Variants in MACF1 observed in about 807,000 individuals in gnomAD.
The protein encoded by MACF1 is microtubule actin crosslinking factor 1, also known as microtubule-actin cross-linking factor 1.
In MACF1, 193 loss-of-function variants were observed where a neutral mutation model predicts 854.8. The observed-to-expected ratio is 0.23, with a 90% CI of 0.20 to 0.25. The LOEUF (loss-of-function observed/expected upper bound fraction) is 0.25. MACF1 is among the 10% of genes least tolerant of loss of function. The probability of loss-of-function intolerance (pLI) is 1.00; values close to 1 mark genes in which losing one functional copy is unlikely to be tolerated. For synonymous variants in MACF1, 3,185 were observed against 3,226.7 expected (o/e 0.99, Z 0.44); for missense variants, 7,722 against 8,929.1 (o/e 0.86, Z 5.45).
intron 23 of MACF1, 147 bp from the exon 24 acceptor site, chr1:39,309,421 TCC>T: frequency 4.6e-6 from 4 of 877,664 alleles, no homozygotes; most frequent in Non-Finnish European, 6.9e-6. Flanking sequence ...TTCTAAAAAT[TCC>T]TGAGATGCTA....
intron 2 of MACF1, among the ~76,000 whole-genome samples, chr1:39,195,497 C>T (rs996152547): frequency 1.3e-5 from 2 of 152,218 alleles, no homozygotes; most frequent in Admixed American, 6.5e-5. Context: ...ACAATATGTG[C>T]TCAGCTGTAT....
chr1:39,433,662 T>A (rs1274858386), intron 68 of MACF1, among the ~76,000 whole-genome samples: 1 of 152,210 alleles, frequency 6.6e-6, no homozygotes, highest in East Asian at 1.9e-4. Context: ...TCCTAAACAT[T>A]TGAAGCATAA....
chr1:39,294,688 A>G (rs568716318), intron 18 of MACF1, among the ~76,000 whole-genome samples: 47 of 152,332 alleles, frequency 3.1e-4, no homozygotes, highest in Admixed American at 5.2e-4. Context: ...GTCTAAGCAA[A>G]GCCAACCAGT....
chr1:39,095,142 T>G (rs1323702123), intron 2 of MACF1, among the ~76,000 whole-genome samples: 1 of 152,130 alleles, frequency 6.6e-6, no homozygotes, highest in African/African-American at 2.4e-5. Flanking sequence ...TGTCTAACAC[T>G]AACAGTGTGG....
intron 68 of MACF1, 64 bp downstream of exon 68, chr1:39,433,219 A>G: frequency 3.0e-6 from 3 of 1,003,298 alleles, no homozygotes; most frequent in African/African-American, 1.6e-5. Flanking sequence ...TAGAAGCACA[A>G]TTGTGAAATG....
chr1:39,379,755 G>A (rs1650020265), intron 54 of MACF1, among the ~76,000 whole-genome samples: 1 of 152,196 alleles, frequency 6.6e-6, no homozygotes, highest in Admixed American at 6.5e-5. Flanking sequence ...CTGTAAGCAA[G>A]ACAAACCATT....
chr1:39,134,714 A>G (rs1242694213), intron 2 of MACF1, among the ~76,000 whole-genome samples: 1 of 152,224 alleles, frequency 6.6e-6, no homozygotes, highest in Non-Finnish European at 1.5e-5. Flanking sequence ...GGCACATAGT[A>G]TGTAATTGTA....
At chr1:39,276,073 C>G (rs1274275136) in intron 6 of MACF1, among the ~76,000 whole-genome samples, 1 of 152,104 alleles carries the variant, frequency 6.6e-6, no homozygotes, top group African/African-American at 2.4e-5. Flanking sequence ...GGGAGTACCA[C>G]CACACCCAGC....
rs539599956 is a variant in MACF1, at chr1:39,313,894, G to A, written c.3271-1619G>A. 7.1e-4 allele frequency among the ~76,000 whole-genome samples: 108 copies of A among 152,178 alleles called. 1 individual carries two copies. The highest frequency in any genetic ancestry group is 3.4e-3 in the Middle Eastern group (1 of 294). ...CCTCCCAAAAGTGCTGGGATTACAG[G>A]CATGGGTCATGATGCCCATTGAAGT... On this transcript the variant is annotated intron_variant, in intron 26 of 100. Transcript: ENST00000564288.
At chr1:39,344,272 A>AT (rs1557600050) in intron 40 of MACF1, among the ~76,000 whole-genome samples, 4 of 151,748 alleles carry the variant, frequency 2.6e-5, no homozygotes, top group Middle Eastern at 3.2e-3. Flanking sequence ...TACTAAAAAA[A>AT]ATATATAAAA....
intron 2 of MACF1, among the ~76,000 whole-genome samples, chr1:39,087,403 T>C (rs1297460794): frequency 6.6e-6 from 1 of 152,234 alleles, no homozygotes; most frequent in Non-Finnish European, 1.5e-5. Context: ...GTCACACATG[T>C]CAGAGTAGAG....
chr1:39,387,284 C>T lies in MACF1; in HGVS notation c.14442C>T (p.Ser4814=), dbSNP rs1332906516. 3 of 1,614,062 alleles carry T rather than the reference C, an allele frequency of 1.9e-6. No individual in the cohort carries two copies. The highest frequency in any genetic ancestry group is 2.5e-6 in the Non-Finnish European group (3 of 1,180,044). The change falls in exon 58 of 101, where the codon AGC becomes AGT. Residue 4814 remains serine, a synonymous_variant. Transcript: ENST00000564288. ...ELRTWLDDKQ[S]QQAKNCPISA... The stretch of plus-strand genomic sequence containing the variant: ...GGACCTGGTTGGATGATAAACAAAG[C>T]CAGCAAGCAAAAAACTGCCCAATTT...
At chr1:39,387,047 C>G (rs1048061315) in intron 57 of MACF1, 140 bp from the exon 58 acceptor site, 1 of 807,368 alleles carries the variant, frequency 1.2e-6, no homozygotes, top group South Asian at 1.8e-5. Flanking sequence ...CATGAAGGAG[C>G]CTAATTATAT....
At chr1:39,139,946 CT>C (rs11364327) in intron 2 of MACF1, among the ~76,000 whole-genome samples, 135,121 of 146,718 alleles carry the variant, frequency 0.92, 62,174 homozygotes, top group Non-Finnish European at 0.93. Context: ...AGAACTAAAT[CT>C]TTTTTTTTTT....
In MACF1 at chr1:39,441,945, G is replaced by A. The variant is rs977689928; in HGVS notation, c.18673-7G>A. On this transcript the variant is annotated splice_region_variant and splice_polypyrimidine_tract_variant and intron_variant, in intron 74 of 100. Coordinates refer to ENST00000564288, the MANE Select transcript of MACF1 (RefSeq NM_001394062.1). ...GTTTTTGACTGTTTACTTGTCTTTT[G>A]TTCTAGGCTATGTTTGACTGGCTAG... The A allele has an allele frequency of 4.3e-6, 7 of 1,610,600 alleles. No individual in the cohort carries two copies. The South Asian group carries it at 7.7e-5, about 18-fold the overall frequency.
intron 6 of MACF1, among the ~76,000 whole-genome samples, chr1:39,276,285 A>G (rs1366740452): frequency 6.6e-6 from 1 of 152,124 alleles, no homozygotes; most frequent in African/African-American, 2.4e-5. Context: ...GAGGTCAGCT[A>G]GAAACTTGAG....
intron 58 of MACF1, among the ~76,000 whole-genome samples, chr1:39,417,199 C>T (rs1017070808): frequency 1.3e-5 from 2 of 152,122 alleles, no homozygotes; most frequent in African/African-American, 4.8e-5. Flanking sequence ...GCAATAACAA[C>T]AGAGTTTGGT....
At chr1:39,465,747 A>G (rs1015244252) in intron 95 of MACF1, among the ~76,000 whole-genome samples, 6 of 152,308 alleles carry the variant, frequency 3.9e-5, no homozygotes, top group East Asian at 1.9e-4. Context: ...GTGTCCTCCA[A>G]TGTGGAAGGA....
chr1:39,187,911 T>TCTCTCCA (rs1446223250), intron 2 of MACF1, among the ~76,000 whole-genome samples: 1 of 122,162 alleles, frequency 8.2e-6, no homozygotes, highest in African/African-American at 3.2e-5. Flanking sequence ...TCCTCTCTCC[T>TCTCTCCA]TCCTTCCTTC....
Sources: gnomAD v4.1 joint callset for allele counts (sites outside exome capture counted in the v4.1 genomes callset) on GRCh38, gnomAD v4.1.1 for gene constraint, MANE v1.5 for transcripts, NCBI Gene and HGNC (gene_info 2026-07-23, HGNC 2026-07-21) for gene names.